The following NLRC5 variants were observed in gnomAD, a reference collection of about 807,000 sequenced individuals.
NLRC5 encodes the protein NLR family CARD domain containing 5, also known as protein NLRC5.
A neutral mutation model predicts 206.9 loss-of-function variants in NLRC5; 114 were observed. The ratio of observed to expected loss-of-function variants is 0.55; its 90% CI spans 0.47 to 0.64. The LOEUF (loss-of-function observed/expected upper bound fraction) is 0.64. NLRC5 is among the 30% of genes least tolerant of loss of function. The pLI is 0.00. For synonymous variants in NLRC5, 952 were observed against 962.8 expected, an observed-to-expected ratio of 0.99 and a Z score of 0.21; for missense variants, 2,008 against 2,305.5, an observed-to-expected ratio of 0.87 and a Z score of 2.64.
intron 15 of NLRC5, among the ~76,000 whole-genome samples, chr16:57,037,485 A>G (rs1380538585): frequency 6.6e-6 from 1 of 151,928 alleles, no homozygotes; most frequent in Non-Finnish European, 1.5e-5. Context: ...CTGGAGAACT[A>G]CCCTTGGCTG....
chr16:57,015,925 C>CAAAAAAAAAA (rs35216159), intron 1 of NLRC5, among the ~76,000 whole-genome samples: 11 of 39,612 alleles, frequency 2.8e-4, no homozygotes, highest in African/African-American at 4.6e-4. Flanking sequence ...AACTCCATCT[C>CAAAAAAAAAA]AAAAAAAAAA....
At chr16:57,006,672 C>T (rs1263329761) in intron 1 of NLRC5, among the ~76,000 whole-genome samples, 1 of 151,604 alleles carries the variant, frequency 6.6e-6, no homozygotes, top group Non-Finnish European at 1.5e-5. Flanking sequence ...CAAGCAAGGC[C>T]ACGTTAAATA....
At chr16:57,054,020 TA>T (rs1445454437) in intron 24 of NLRC5, among the ~76,000 whole-genome samples, 2 of 151,992 alleles carry the variant, frequency 1.3e-5, no homozygotes, top group African/African-American at 2.4e-5. Flanking sequence ...GACAAGCTGA[TA>T]GGGGGATTAC....
At chr16:57,040,974 C>G (rs986253096) in intron 17 of NLRC5, among the ~76,000 whole-genome samples, 1 of 152,142 alleles carries the variant, frequency 6.6e-6, no homozygotes, top group African/African-American at 2.4e-5. Context: ...TCCCTGACCC[C>G]CAGCAGCTGA....
chr16:57,026,050 G>T lies in NLRC5; in HGVS notation c.1107G>T (p.Gly369=). ...AAMVHMLGFD[G]PRVEEYVNHF... is the part of the protein sequence containing the mutation. ...TGGTCCACATGTTGGGCTTTGATGGGCCACGGGTGGAAGAATATGTGAATC... is the reference window on the plus strand; with the variant it reads ...TGGTCCACATGTTGGGCTTTGATGGTCCACGGGTGGAAGAATATGTGAATC... The change falls in exon 6 of 49, where the codon GGG becomes GGT. Residue 369 remains glycine, a synonymous_variant. Coordinates refer to ENST00000688547, the MANE Select transcript of NLRC5 (RefSeq NM_001384950.1). 1 of 1,614,034 alleles carries T rather than the reference G, an allele frequency of 6.2e-7. No individual in the cohort carries two copies. The highest frequency in any genetic ancestry group is 8.5e-7 in the Non-Finnish European group (1 of 1,180,050).
At chr16:57,061,314 C>T in intron 30 of NLRC5, 134 bp from the exon 31 acceptor site, 2 of 826,530 alleles carry the variant, frequency 2.4e-6, no homozygotes, top group South Asian at 1.7e-5. Flanking sequence ...TATTTGGCCT[C>T]TCAGGCCCTG....
At chr16:57,017,855 C>A (rs1316154253) in intron 2 of NLRC5, among the ~76,000 whole-genome samples, 1 of 152,140 alleles carries the variant, frequency 6.6e-6, no homozygotes, top group Non-Finnish European at 1.5e-5. Flanking sequence ...TGTGAACAGC[C>A]CTAATGCCTA....
chr16:57,036,874 C>A (rs977178725), intron 14 of NLRC5, among the ~76,000 whole-genome samples: 9 of 151,994 alleles, frequency 5.9e-5, no homozygotes, highest in South Asian at 4.1e-4. Flanking sequence ...ATGTACAAAG[C>A]CTTTTGTACA....
chr16:57,031,470 A>C lies in NLRC5; in HGVS notation c.2477+7A>C. The C allele has an allele frequency of 6.2e-7, 1 of 1,613,758 alleles. No individual in the cohort carries two copies. Among genetic ancestry groups the C allele is most frequent in the Admixed American group, 1.7e-5 (1 of 59,994 alleles). ...CAACTGCAGAGCTACAAAGGTAAGA[A>C]GCCAAGAGGCGGTGGGCCTGGGGCC... On this transcript the variant is annotated splice_region_variant and intron_variant, in intron 11 of 48. Coordinates refer to ENST00000688547, the MANE Select transcript of NLRC5 (RefSeq NM_001384950.1).
chr16:57,059,546 G>T lies in NLRC5; in HGVS notation c.3986+14G>T. 2 of 1,605,006 alleles carry T rather than the reference G, an allele frequency of 1.2e-6. No individual in the cohort carries two copies. The highest frequency in any genetic ancestry group is 1.7e-6 in the Non-Finnish European group (2 of 1,174,680). On this transcript the variant is annotated intron_variant, in intron 30 of 48. Transcript: ENST00000688547. ...GAAGACACTCAGGTAATCCCTGCAG[G>T]GTGATGGGACAGGGGACAGAGAGGG...
Position 57,042,043 on chromosome 16 carries a change from CTGG to C in NLRC5, c.3092_3094del (p.Leu1031_Gly1032delinsArg). The C allele has an allele frequency of 1.9e-6, 3 of 1,569,196 alleles. No individual in the cohort carries two copies. The highest frequency in any genetic ancestry group is 2.6e-6 in the Non-Finnish European group (3 of 1,161,498). On this transcript the variant is annotated inframe_deletion, in exon 19 of 49. Coordinates refer to ENST00000688547, the MANE Select transcript of NLRC5 (RefSeq NM_001384950.1). ...CCGGCTGGCTCAGCTGCTCCCAGGG[CTGG>C]GAGCTCTGCAGTCCTTGAAGTGAGT...
At chr16:57,039,605 T>C (rs2063029466) in intron 15 of NLRC5, among the ~76,000 whole-genome samples, 176 bp from the exon 16 acceptor site, 1 of 152,014 alleles carries the variant, frequency 6.6e-6, no homozygotes, top group Non-Finnish European at 1.5e-5. Flanking sequence ...TAATCCCAGC[T>C]ACTCAGGAGG....
intron 1 of NLRC5, among the ~76,000 whole-genome samples, chr16:57,000,046 A>G (rs2058069443): frequency 6.6e-6 from 1 of 152,128 alleles, no homozygotes; most frequent in Non-Finnish European, 1.5e-5. Context: ...CCCTCTTCCC[A>G]GGTGATGCCG....
At chr16:57,081,678 C>T (rs748676788) in intron 48 of NLRC5, 68 bp downstream of exon 48, 33 of 1,392,446 alleles carry the variant, frequency 2.4e-5, no homozygotes, top group Non-Finnish European at 3.2e-5. Context: ...TCTAATGGGA[C>T]TCCCTGGAGG....
chr16:57,049,873 T>C (rs1176323304), intron 23 of NLRC5, among the ~76,000 whole-genome samples: 1 of 152,154 alleles, frequency 6.6e-6, no homozygotes, highest in Non-Finnish European at 1.5e-5. Flanking sequence ...ATGAAAGCAC[T>C]TTGTCAACTG....
intron 17 of NLRC5, 70 bp downstream of exon 17, chr16:57,040,788 C>A: frequency 1.4e-6 from 2 of 1,465,436 alleles, no homozygotes; most frequent in Non-Finnish European, 1.9e-6. Flanking sequence ...AGCCTGCTCC[C>A]AAACCTGTGC....
intron 34 of NLRC5, 52 bp from the exon 35 acceptor site, chr16:57,067,335 C>T: frequency 1.4e-6 from 2 of 1,453,802 alleles, no homozygotes; most frequent in Non-Finnish European, 1.9e-6. Context: ...ATACTGAATC[C>T]CACATACTGG....
At position 57,026,411 on chromosome 16, in the gene NLRC5, A is replaced by G; in HGVS notation, c.1468A>G (p.Thr490Ala). The stretch of plus-strand genomic sequence containing the variant: ...TCCACCCTTGATAGCTTTTGGGGCC[A>G]CTCACAGCCTGCTGACTTCCTTCTG... ...IAPPLIAFGA[T>A]HSLLTSFCVC... Residue 490 changes from threonine to alanine, a missense_variant, in exon 6 of 49, where the codon ACT (threonine) becomes GCT (alanine). Coordinates refer to ENST00000688547, the MANE Select transcript of NLRC5 (RefSeq NM_001384950.1). The G allele has an allele frequency of 2.5e-6, 4 of 1,614,052 alleles. No individual in the cohort carries two copies. Among genetic ancestry groups the G allele is most frequent in the Non-Finnish European group, 3.4e-6 (4 of 1,180,006 alleles).
chr16:57,045,528 C>G (rs538794613), intron 21 of NLRC5, 36 bp downstream of exon 21: 18 of 1,606,206 alleles, frequency 1.1e-5, no homozygotes, highest in Non-Finnish European at 1.5e-5. Flanking sequence ...GGAGTCCCCT[C>G]CCGCTCTGGT....
Sources: gnomAD v4.1 joint callset for allele counts (sites outside exome capture counted in the v4.1 genomes callset) on GRCh38, gnomAD v4.1.1 for gene constraint, MANE v1.5 for transcripts, NCBI Gene and HGNC (gene_info 2026-07-23, HGNC 2026-07-21) for gene names.